Variants in FBXO39 observed in about 807,000 individuals in gnomAD.
FBXO39 encodes the protein F-box only protein 39.
In FBXO39, 22 loss-of-function variants were observed where a neutral mutation model predicts 36.6. The ratio of observed to expected loss-of-function variants is 0.60; its 90% CI spans 0.43 to 0.86. FBXO39 has a LOEUF of 0.86. FBXO39 is among the 40% of genes least tolerant of loss of function. FBXO39 has a pLI of 0.00. For missense variants in FBXO39, 536 were observed against 543.9 expected (o/e 0.99, Z 0.14); for synonymous variants, 206 against 205.8 (o/e 1.00, Z -0.01).
chr17:6,780,753 C>G lies in FBXO39; in HGVS notation c.885C>G (p.Tyr295Ter). 6.2e-7 allele frequency: 1 copy of G among 1,614,062 alleles called. No homozygotes were observed. The highest frequency in any genetic ancestry group is 8.5e-7 in the Non-Finnish European group (1 of 1,180,018). ...VNFFFERIMK[Y>*]ERLARILLQE... ...TCTTCTTTGAACGGATCATGAAGTACGAACGCTTGGCCCGAATCCTCTTGC... is the reference window on the plus strand; with the variant it reads ...TCTTCTTTGAACGGATCATGAAGTAGGAACGCTTGGCCCGAATCCTCTTGC... The change falls in exon 2 of 4, where the codon TAC becomes TAG. Residue 295 changes from tyrosine (Y) to a stop codon, truncating the protein, a stop_gained. Coordinates refer to ENST00000321535, the MANE Select transcript of FBXO39 (RefSeq NM_153230.3). LOFTEE classifies it high-confidence loss of function.
chr17:6,779,938 C>T lies in FBXO39; in HGVS notation c.70C>T (p.Leu24=). The part of the protein sequence containing the change: ...SCWAFLPDLC[L]CRVFWWLGDR... ...CTGGGCCTTTCTGCCCGATTTGTGT[C>T]TGTGCCGTGTTTTCTGGTGGCTAGG... Residue 24 remains leucine, a synonymous_variant, in exon 2 of 4, where the codon CTG becomes TTG. Transcript: ENST00000321535. The T allele has an allele frequency of 6.2e-7, 1 of 1,614,224 alleles. No homozygotes were observed. Among genetic ancestry groups the T allele is most frequent in the Non-Finnish European group, 8.5e-7 (1 of 1,180,048 alleles).
At chr17:6,785,430 C>T (rs183651049) in intron 2 of FBXO39, among the ~76,000 whole-genome samples, 3 of 151,570 alleles carry the variant, frequency 2.0e-5, no homozygotes, top group Admixed American at 2.0e-4. Context: ...GGGCATTGAA[C>T]TGGGCAAAGA....
chr17:6,787,285 T>A lies in FBXO39; in HGVS notation c.1201-15T>A. The A allele has an allele frequency of 6.2e-7, 1 of 1,613,176 alleles. No individual in the cohort carries two copies. Among genetic ancestry groups the A allele is most frequent in the Non-Finnish European group, 8.5e-7 (1 of 1,179,824 alleles). On this transcript the variant is annotated splice_polypyrimidine_tract_variant and intron_variant, in intron 3 of 3. Transcript: ENST00000321535. ...GTGCGTGCTCATATGTGGATGTATT[T>A]CTCTGTTGGCACAGGCGAGAATTTA...
Position 6,779,900 on chromosome 17 carries a change from A to G in FBXO39, c.32A>G (p.Gln11Arg). MDEESELIQP[Q>R]DQSCWAFLPD... ...GAAGAAAGTGAACTGATCCAGCCCC[A>G]AGACCAGAGCTGCTGGGCCTTTCTG... is the stretch of plus-strand genomic sequence containing the variant. The change falls in exon 2 of 4, where the codon CAA becomes CGA. Residue 11 changes from glutamine (Q) to arginine (R), a missense_variant. Gln to Arg is a conservative substitution (Grantham distance 43). Transcript: ENST00000321535. 2 of 1,614,196 alleles carry G rather than the reference A, an allele frequency of 1.2e-6. No homozygotes were observed. The highest frequency in any genetic ancestry group is 1.7e-6 in the Non-Finnish European group (2 of 1,180,034).
chr17:6,786,587 C>T (rs561793120), intron 2 of FBXO39, among the ~76,000 whole-genome samples, 193 bp from the exon 3 acceptor site: 31 of 152,222 alleles, frequency 2.0e-4, no homozygotes, highest in African/African-American at 6.5e-4. Flanking sequence ...ACATTGTATG[C>T]CTACATCAAA....
chr17:6,779,230 T>G lies in FBXO39; in HGVS notation c.-80-559T>G, dbSNP rs1319647756. 3.3e-5 allele frequency among the ~76,000 whole-genome samples: 5 copies of G among 152,262 alleles called. No homozygotes were observed. In the East Asian group the frequency reaches 9.6e-4, roughly 29 times the overall value. ...CACGCAGGACCCCTTGATCCAGCAC[T>G]TCCCACTGCTCCCACGTGATCCAGT... On this transcript the variant is annotated intron_variant, in intron 1 of 3. Transcript: ENST00000321535.
Position 6,787,590 on chromosome 17 carries a change from A to G in FBXO39, c.*162A>G, listed in dbSNP as rs890841643. The stretch of plus-strand genomic sequence containing the variant: ...AACATGACCAGCTCAGCAAAGGCTG[A>G]GACTGCCCATGACCTGAAGGCTCCA... On this transcript the variant is annotated 3_prime_UTR_variant, in exon 4 of 4. Coordinates refer to ENST00000321535, the MANE Select transcript of FBXO39 (RefSeq NM_153230.3). 9 of 728,792 alleles carry G rather than the reference A, an allele frequency of 1.2e-5. No homozygotes were observed. The African/African-American group carries it at 1.6e-4, about 13-fold the overall frequency. 45.1% of individuals were successfully genotyped at this position (728,792 alleles called of 1,614,324 possible). A position where few individuals can be genotyped will look rare whatever the true frequency, so the allele number is the denominator to read the frequency against.
rs1375681739 is a variant in FBXO39 at position 6,787,634 on chromosome 17, T to A, written c.*206T>A. On this transcript the variant is annotated 3_prime_UTR_variant, in exon 4 of 4. Coordinates refer to ENST00000321535, the MANE Select transcript of FBXO39 (RefSeq NM_153230.3). ...GGCTCCAGGTGGCTTTAAAGCGCTATGTTTACCAACTATCCCGGTGTCATT... is the reference window on the plus strand; with the variant it reads ...GGCTCCAGGTGGCTTTAAAGCGCTAAGTTTACCAACTATCCCGGTGTCATT... The A allele has an allele frequency of 4.3e-6, 2 of 464,232 alleles. No individual in the cohort carries two copies. Among genetic ancestry groups the A allele is most frequent in the East Asian group, 3.5e-5 (1 of 28,842 alleles). 28.8% of individuals were successfully genotyped at this position (464,232 alleles called of 1,614,324 possible). A position where few individuals can be genotyped will look rare whatever the true frequency, so the allele number is the denominator to read the frequency against.
intron 2 of FBXO39, among the ~76,000 whole-genome samples, chr17:6,786,209 C>T (rs1483338929): frequency 2.0e-5 from 3 of 152,130 alleles, no homozygotes. Context: ...ATAGATGCAA[C>T]TGAGGTTGTT....
chr17:6,780,980 C>T, intron 2 of FBXO39, 89 bp downstream of exon 2: 4 of 1,361,606 alleles, frequency 2.9e-6, no homozygotes, highest in Non-Finnish European at 4.0e-6. Flanking sequence ...GGCTAGGCTC[C>T]CAAATGTTCA....
At position 6,779,831 on chromosome 17, in the gene FBXO39, G is replaced by C. The variant is rs1976481152; in HGVS notation, c.-38G>C. The C allele has an allele frequency of 2.5e-6, 4 of 1,583,922 alleles. No homozygotes were observed. Among genetic ancestry groups the C allele is most frequent in the Non-Finnish European group, 3.4e-6 (4 of 1,163,716 alleles). Reference sequence around the variant, plus strand: ...TCCTTTCCTCATTTTTGGAAGCCCTGCCTAACACACAGCTGCACTGTACAT... The same window carrying C: ...TCCTTTCCTCATTTTTGGAAGCCCTCCCTAACACACAGCTGCACTGTACAT... On this transcript the variant is annotated 5_prime_UTR_variant, in exon 2 of 4. Transcript: ENST00000321535.
intron 2 of FBXO39, among the ~76,000 whole-genome samples, chr17:6,784,170 T>G (rs1035045386): frequency 6.6e-6 from 1 of 152,176 alleles, no homozygotes; most frequent in African/African-American, 2.4e-5. Flanking sequence ...AAGCATATGA[T>G]TATTTTAATT....
chr17:6,782,579 AATG>A (rs1976522947), intron 2 of FBXO39, among the ~76,000 whole-genome samples: 1 of 152,196 alleles, frequency 6.6e-6, no homozygotes, highest in Non-Finnish European at 1.5e-5. Context: ...AGAGATGGGA[AATG>A]ATATTTAATG....
chr17:6,778,559 C>A (rs530337101), intron 1 of FBXO39, among the ~76,000 whole-genome samples: 2 of 152,146 alleles, frequency 1.3e-5, no homozygotes, highest in Admixed American at 6.5e-5. Context: ...ATTCTCAGGT[C>A]TCTTTCCAGC....
intron 2 of FBXO39, among the ~76,000 whole-genome samples, chr17:6,781,917 A>T (rs1976512608): frequency 6.6e-6 from 1 of 152,206 alleles, no homozygotes; most frequent in South Asian, 2.1e-4. Flanking sequence ...AAGGTACAAG[A>T]CGTATACTTA....
intron 2 of FBXO39, 86 bp downstream of exon 2, chr17:6,780,977 C>T (rs570370399): frequency 1.4e-6 from 2 of 1,380,372 alleles, no homozygotes; most frequent in Admixed American, 2.2e-5. Context: ...CTTGGCTAGG[C>T]TCCCAAATGT....
At chr17:6,782,187 T>C (rs1442750042) in intron 2 of FBXO39, among the ~76,000 whole-genome samples, 1 of 152,226 alleles carries the variant, frequency 6.6e-6, no homozygotes, top group African/African-American at 2.4e-5. Flanking sequence ...AGTTTGTTTA[T>C]GCAATAGTGT....
intron 2 of FBXO39, among the ~76,000 whole-genome samples, chr17:6,785,739 G>T (rs1280572800): frequency 6.6e-6 from 1 of 151,784 alleles, no homozygotes. Context: ...GGCAAAATAA[G>T]TATATTAAAA....
chr17:6,787,332 T>C lies in FBXO39; in HGVS notation c.1233T>C (p.Asn411=), dbSNP rs755235416. ...TTTATACAAACAGATATGAGACGAA[T>C]GAAGAGGACAAGACCCTGCAGGAAA... is the stretch of plus-strand genomic sequence containing the variant. ...ARIYTNRYET[N]EEDKTLQEIY... Residue 411 remains asparagine, a synonymous_variant, in exon 4 of 4, where the codon AAT becomes AAC. Transcript: ENST00000321535. The C allele has an allele frequency of 6.2e-7, 1 of 1,613,930 alleles. No homozygotes were observed. The highest frequency in any genetic ancestry group is 8.5e-7 in the Non-Finnish European group (1 of 1,179,976).
Sources: allele counts gnomAD v4.1 joint callset (sites outside exome capture counted in the v4.1 genomes callset), GRCh38; gene constraint gnomAD v4.1.1; transcripts MANE v1.5; gene names NCBI Gene and HGNC (gene_info 2026-07-23, HGNC 2026-07-21).